Variants in CFAP70 observed in about 807,000 individuals in gnomAD.
The protein encoded by CFAP70 is cilia and flagella associated protein 70.
Under a neutral mutation model 137.6 loss-of-function variants are expected in CFAP70, and 81 were observed. That is an observed-to-expected ratio of 0.59 (90% CI 0.49 to 0.71). The LOEUF (loss-of-function observed/expected upper bound fraction) is 0.71, where lower values mean the gene tolerates loss of function less well. Ranked by LOEUF, CFAP70 falls within the 30% of genes least tolerant of loss-of-function variation. CFAP70 has a pLI of 0.00. For synonymous variants in CFAP70, 382 were observed against 423.6 expected (o/e 0.90, Z 1.20); for missense variants, 976 against 1,226.7 (o/e 0.80, Z 3.05).
intron 3 of CFAP70, among the ~76,000 whole-genome samples, chr10:73,353,170 A>T (rs569697436): frequency 1.3e-5 from 2 of 152,330 alleles, no homozygotes; most frequent in East Asian, 3.9e-4. Flanking sequence ...ATCTAGACAG[A>T]GATGCTGATA....
At position 73,262,046 on chromosome 10, in the gene CFAP70, T is replaced by TG. The variant is rs1489765143; in HGVS notation, c.3028-5631_3028-5630insC. Among the ~76,000 whole-genome samples, 223 of 143,852 alleles carry TG rather than the reference T, an allele frequency of 1.6e-3. 1 individual carries two copies. Among genetic ancestry groups the TG allele is most frequent in the African/African-American group, 5.4e-3 (208 of 38,624 alleles). 94.4% of individuals were successfully genotyped at this position (143,852 alleles called of 152,430 possible). On this transcript the variant is annotated intron_variant, in intron 25 of 26. Transcript: ENST00000310715. ...TATTATATATGTATATATGTATATATTATATATTATATATGTATATATGTA... is the reference window on the plus strand; with the variant it reads ...TATTATATATGTATATATGTATATATGTATATATTATATATGTATATATGTA...
In CFAP70 at chr10:73,335,417, C is replaced by T; in HGVS notation, c.677+13G>A. The T allele has an allele frequency of 6.3e-7, 1 of 1,586,152 alleles. No homozygotes were observed. The highest frequency in any genetic ancestry group is 2.2e-5 in the East Asian group (1 of 44,480). On this transcript the variant is annotated intron_variant, in intron 7 of 26. Transcript: ENST00000310715. ...TTTGTGGGTTAGACATATGTCCTTC[C>T]TCTTCTTCTTACCTGACCACTGCAG...
At chr10:73,354,782 T>C (rs1300193741) in exon 2 of CFAP70, 2 of 1,614,104 alleles carry the variant, frequency 1.2e-6, no homozygotes, top group Non-Finnish European at 8.5e-7. Flanking sequence ...TGCCTGCTGA[T>C]GGCACTTGCT....
rs78447034 is a variant in CFAP70 at position 73,333,122 on chromosome 10, T to G, written c.678-1846A>C. 8.9e-3 allele frequency among the ~76,000 whole-genome samples: 1,352 copies of G among 152,058 alleles called. 32 individuals carry two copies. Among genetic ancestry groups the G allele is most frequent in the African/African-American group, 0.03 (1,264 of 41,496 alleles). On this transcript the variant is annotated intron_variant, in intron 7 of 26. Coordinates refer to ENST00000310715, the Ensembl canonical transcript of CFAP70. Reference sequence around the variant, plus strand: ...TAGATATCAAAAACACAAACAAAAATGAATAATTCATTTGATGGGCTTATC... The same window carrying G: ...TAGATATCAAAAACACAAACAAAAAGGAATAATTCATTTGATGGGCTTATC...
At chr10:73,261,685 A>G (rs970580970) in intron 25 of CFAP70, among the ~76,000 whole-genome samples, 7 of 152,064 alleles carry the variant, frequency 4.6e-5, no homozygotes, top group African/African-American at 1.7e-4. Flanking sequence ...CACAGCCAAA[A>G]TATATCAGAT....
intron 6 of CFAP70, among the ~76,000 whole-genome samples, chr10:73,337,774 C>T (rs2052816640): frequency 1.3e-5 from 2 of 151,798 alleles, no homozygotes; most frequent in African/African-American, 2.4e-5. Context: ...GGTGTGGTGG[C>T]GGGTGCCTGT....
intron 4 of CFAP70, among the ~76,000 whole-genome samples, chr10:73,345,613 T>C (rs1001746302): frequency 6.6e-6 from 1 of 152,054 alleles, no homozygotes; most frequent in African/African-American, 2.4e-5. Flanking sequence ...AAGACCAGCC[T>C]GGCCAACACA....
chr10:73,266,940 TTAC>T (rs2045834016), intron 25 of CFAP70, among the ~76,000 whole-genome samples: 1 of 150,810 alleles, frequency 6.6e-6, no homozygotes, highest in Non-Finnish European at 1.5e-5. Flanking sequence ...TGCTTTCCCT[TTAC>T]TACTTTATTT....
At position 73,296,998 on chromosome 10, in the gene CFAP70, T is replaced by A. The variant is rs758212976; in HGVS notation, c.1644+44A>T. On this transcript the variant is annotated intron_variant, in intron 15 of 26. Transcript: ENST00000310715. ...AGGAATTATTCATAGAAGACTCTGA[T>A]GCTCTACAGAGAAAAGAAAGTGCTC... 19 of 1,590,876 alleles carry A rather than the reference T, an allele frequency of 1.2e-5. No individual in the cohort carries two copies. The Admixed American group carries it at 3.4e-4, about 29-fold the overall frequency.
chr10:73,328,724 A>C (rs1443969984), intron 8 of CFAP70, among the ~76,000 whole-genome samples: 11 of 149,000 alleles, frequency 7.4e-5, no homozygotes, highest in African/African-American at 2.5e-4. Flanking sequence ...ATGCAGCCAA[A>C]AAACACATGA....
At chr10:73,262,324 C>T (rs962224855) in intron 25 of CFAP70, among the ~76,000 whole-genome samples, 7 of 152,034 alleles carry the variant, frequency 4.6e-5, no homozygotes, top group Non-Finnish European at 1.0e-4. Flanking sequence ...CCACTGTAGA[C>T]GCTACCTGCC....
In CFAP70 at chr10:73,275,189, C is replaced by G. The variant is rs1308965078; in HGVS notation, c.2673+257G>C. The G allele has an allele frequency of 4.7e-6, 1 of 213,904 alleles. No homozygotes were observed. The highest frequency in any genetic ancestry group is 5.9e-5 in the Admixed American group (1 of 17,020). The allele number at this position is 213,904 out of a possible 1,614,324, so 13.3% of individuals were successfully genotyped here. On this transcript the variant is annotated intron_variant, in intron 22 of 26. Transcript: ENST00000310715. The surrounding 1 kb of genome is among the most constrained non-coding windows in gnomAD (Gnocchi z 4.0). ...AGAGATGGGGTTTCACTATGTTGGC[C>G]AGGCTGGTCTTGAACTCCTGACCTC...
intron 4 of CFAP70, among the ~76,000 whole-genome samples, chr10:73,345,724 G>C (rs2053642172): frequency 1.3e-5 from 2 of 151,848 alleles, no homozygotes; most frequent in South Asian, 4.1e-4. Flanking sequence ...AGAATCGCTT[G>C]AACCCAGGGA....
At chr10:73,278,158 G>T (rs950118377) in intron 20 of CFAP70, 21 bp downstream of exon 21, 3 of 1,610,160 alleles carry the variant, frequency 1.9e-6, no homozygotes, top group African/African-American at 2.7e-5. Flanking sequence ...CTTCCAAGTG[G>T]AAATCTTTAT....
At position 73,291,829 on chromosome 10, in the gene CFAP70, A is replaced by G. The variant is rs375147405; in HGVS notation, c.1904+52T>C. The G allele has an allele frequency of 1.5e-5, 25 of 1,613,454 alleles. No individual in the cohort carries two copies. The African/African-American group carries it at 3.3e-4, about 22-fold the overall frequency. On this transcript the variant is annotated intron_variant, in intron 17 of 26. Coordinates refer to ENST00000310715, the Ensembl canonical transcript of CFAP70. Reference sequence around the variant, plus strand: ...TTATGGAACCAAGACAATTTCACGTAGAAACTTATCTGTTCCTTCCCACTG... The same window carrying G: ...TTATGGAACCAAGACAATTTCACGTGGAAACTTATCTGTTCCTTCCCACTG...
intron 6 of CFAP70, among the ~76,000 whole-genome samples, chr10:73,339,462 G>A (rs1235796210): frequency 7.2e-5 from 11 of 152,208 alleles, no homozygotes; most frequent in Non-Finnish European, 1.6e-4. Context: ...GAAAACCTCT[G>A]TGGCTGGTCA....
At chr10:73,291,361 G>A in exon 19 of CFAP70, 1 of 1,614,188 alleles carries the variant, frequency 6.2e-7, no homozygotes, top group Non-Finnish European at 8.5e-7. Flanking sequence ...TGTGCCTGAA[G>A]CATCCGTGCC....
chr10:73,318,945 T>A (rs1469937193), intron 9 of CFAP70, among the ~76,000 whole-genome samples: 1 of 152,208 alleles, frequency 6.6e-6, no homozygotes, highest in Non-Finnish European at 1.5e-5. Context: ...GAGCAGTGAA[T>A]GAAAGTTGTT....
At chr10:73,274,356 C>A in intron 23 of CFAP70, 77 bp downstream of exon 24, 2 of 1,442,078 alleles carry the variant, frequency 1.4e-6, no homozygotes, top group South Asian at 2.9e-5. Flanking sequence ...AGTTTTAGTC[C>A]ACACAGATAG....
Sources: allele counts gnomAD v4.1 joint callset (sites outside exome capture counted in the v4.1 genomes callset), GRCh38; gene constraint gnomAD v4.1.1; non-coding constraint Gnocchi (gnomAD v3.1); transcripts MANE v1.5; gene names NCBI Gene and HGNC (gene_info 2026-07-23, HGNC 2026-07-21).